CHRNA7: variants seen among roughly 807,000 people sequenced by gnomAD.
CHRNA7 encodes the protein cholinergic receptor nicotinic alpha 7 subunit.
Under a neutral mutation model 48.0 loss-of-function variants are expected in CHRNA7, and 17 were observed. That is an observed-to-expected ratio of 0.35 (90% CI 0.24 to 0.53). The LOEUF (loss-of-function observed/expected upper bound fraction) is 0.53. Ranked by LOEUF, CHRNA7 falls within the 20% of genes least tolerant of loss-of-function variation. The probability of loss-of-function intolerance (pLI) is 0.92; values close to 1 mark genes in which losing one functional copy is unlikely to be tolerated. For missense variants in CHRNA7, 155 were observed against 577.7 expected (o/e 0.27, Z 7.50); for synonymous variants, 75 against 242.3 (o/e 0.31, Z 6.41).
At chr15:32,114,692 A>G (rs767345072) in intron 4 of CHRNA7, among the ~76,000 whole-genome samples, 1 of 152,256 alleles carries the variant, frequency 6.6e-6, no homozygotes, top group Non-Finnish European at 1.5e-5. Context: ...ATTTCAGAGA[A>G]TATTTAAACC....
intron 2 of CHRNA7, among the ~76,000 whole-genome samples, chr15:32,068,177 T>A (rs909183481): frequency 6.6e-6 from 1 of 152,048 alleles, no homozygotes; most frequent in African/African-American, 2.4e-5. Context: ...GTAGGCATGG[T>A]GACTCACACC....
intron 2 of CHRNA7, among the ~76,000 whole-genome samples, chr15:32,049,194 G>A (rs1395768587): frequency 6.6e-6 from 1 of 151,818 alleles, no homozygotes; most frequent in Admixed American, 6.6e-5. Flanking sequence ...CAGTTCCTGG[G>A]TATCCTTGTT....
At chr15:32,111,554 A>G (rs1364159321) in intron 3 of CHRNA7, 5 of 421,462 alleles carry the variant, frequency 1.2e-5, no homozygotes, top group Non-Finnish European at 1.7e-5. Flanking sequence ...AACTTTAATG[A>G]TACCATCTGA....
Position 32,066,950 on chromosome 15 carries a change from A to G in CHRNA7, c.196-34353A>G, listed in dbSNP as rs1350029654. The stretch of plus-strand genomic sequence containing the variant: ...TTCGAACAGGTGGAAGAAAGAAGGA[A>G]CTTAAAGACGGATCAACTGAGTTTA... On this transcript the variant is annotated intron_variant, in intron 2 of 9. Transcript: ENST00000306901. 7.2e-5 allele frequency among the ~76,000 whole-genome samples: 11 copies of G among 152,186 alleles called. No individual in the cohort carries two copies. In the East Asian group the frequency reaches 9.6e-4, roughly 13 times the overall value.
intron 4 of CHRNA7, among the ~76,000 whole-genome samples, chr15:32,114,044 GTATATATATATATATACATATATA>G (rs1158464538): frequency 1.6e-5 from 1 of 63,610 alleles, no homozygotes; most frequent in Admixed American, 2.2e-4. Flanking sequence ...ATATATATAT[GTATATATATATATATACATATATA>G]TATATATACA....
In CHRNA7 at chr15:32,043,428, C is replaced by A. The variant is rs563471302; in HGVS notation, c.195+12391C>A. 1.2e-3 allele frequency among the ~76,000 whole-genome samples: 190 copies of A among 152,094 alleles called. 3 individuals are homozygous for A. Among genetic ancestry groups the A allele is most frequent in the Non-Finnish European group, 8.8e-5 (6 of 67,944 alleles). On this transcript the variant is annotated intron_variant, in intron 2 of 9. Transcript: ENST00000306901. ...CACTTACCCTTGTCTCTTCTATGTT[C>A]TTTTTTTCCTCTTTTTTCTTACACT...
At chr15:32,132,351 C>T (rs908076067) in intron 4 of CHRNA7, among the ~76,000 whole-genome samples, 2 of 152,104 alleles carry the variant, frequency 1.3e-5, no homozygotes, top group African/African-American at 2.4e-5. Flanking sequence ...AGCACCATGC[C>T]GTTCTGCCTG....
chr15:32,131,026 G>A (rs1029503711), intron 4 of CHRNA7, among the ~76,000 whole-genome samples: 3 of 151,994 alleles, frequency 2.0e-5, no homozygotes, highest in African/African-American at 7.2e-5. Context: ...TGAAAATTCT[G>A]CTGTCATTTA....
intron 2 of CHRNA7, among the ~76,000 whole-genome samples, chr15:32,077,216 G>A (rs191081743): frequency 1.3e-5 from 2 of 151,968 alleles, no homozygotes; most frequent in Non-Finnish European, 2.9e-5. Context: ...CATTTTGGTT[G>A]CTTCCAGTTT....
chr15:32,040,851 G>A (rs2141170277), intron 2 of CHRNA7, among the ~76,000 whole-genome samples: 1 of 151,500 alleles, frequency 6.6e-6, no homozygotes, highest in South Asian at 2.1e-4. Context: ...ATTTTTTCAA[G>A]GCAGGTCTGC....
chr15:32,107,494 A>G (rs946454008), intron 3 of CHRNA7, among the ~76,000 whole-genome samples: 1 of 150,922 alleles, frequency 6.6e-6, no homozygotes, highest in Admixed American at 6.6e-5. Flanking sequence ...TTTAATATCT[A>G]CTTATATAAA....
chr15:32,087,870 G>A (rs2050323513), intron 2 of CHRNA7, among the ~76,000 whole-genome samples: 1 of 152,094 alleles, frequency 6.6e-6, no homozygotes, highest in African/African-American at 2.4e-5. Flanking sequence ...ACGTCAGTAA[G>A]GTCGTTTTAT....
chr15:32,077,599 G>C (rs1228403363), intron 2 of CHRNA7, among the ~76,000 whole-genome samples: 2 of 152,146 alleles, frequency 1.3e-5, no homozygotes, highest in Non-Finnish European at 2.9e-5. Context: ...CTTTGGTGAA[G>C]TATCAGTTAA....
chr15:32,086,230 C>T (rs1010738604), intron 2 of CHRNA7, among the ~76,000 whole-genome samples: 1 of 151,496 alleles, frequency 6.6e-6, no homozygotes, highest in Non-Finnish European at 1.5e-5. Flanking sequence ...TTAGCTGGGC[C>T]TGGTGGCAGG....
chr15:32,115,135 A>T (rs2141287106), intron 4 of CHRNA7, among the ~76,000 whole-genome samples: 1 of 152,332 alleles, frequency 6.6e-6, no homozygotes, highest in South Asian at 2.1e-4. Flanking sequence ...CAGAGTAGGC[A>T]GGAGCCCAGC....
At chr15:32,143,493 G>A (rs111590091) in intron 4 of CHRNA7, among the ~76,000 whole-genome samples, 20 of 152,018 alleles carry the variant, frequency 1.3e-4, no homozygotes, top group African/African-American at 4.1e-4. Context: ...CTTCTGTCTC[G>A]TTGATCTAAT....
chr15:32,069,842 T>A (rs1469559079), intron 2 of CHRNA7, among the ~76,000 whole-genome samples: 1 of 152,166 alleles, frequency 6.6e-6, no homozygotes, highest in African/African-American at 2.4e-5. Context: ...GAATTGTCTG[T>A]TGTGAATATT....
chr15:32,157,181 A>T (rs1386336603), intron 5 of CHRNA7: 2 of 79,644 alleles, frequency 2.5e-5, no homozygotes, highest in Non-Finnish European at 5.3e-5. Context: ...GAAAATGCCT[A>T]CCTCACCCCG....
intron 4 of CHRNA7, among the ~76,000 whole-genome samples, chr15:32,117,993 C>A (rs117044615): frequency 9.1e-4 from 138 of 152,278 alleles, no homozygotes; most frequent in Non-Finnish European, 1.7e-3. Context: ...TAAAATTTAA[C>A]CCCTAATATG....
Sources: gnomAD v4.1 joint callset for allele counts (sites outside exome capture counted in the v4.1 genomes callset) on GRCh38, gnomAD v4.1.1 for gene constraint, MANE v1.5 for transcripts, NCBI Gene and HGNC (gene_info 2026-07-23, HGNC 2026-07-21) for gene names.